Variants in PCDHA10 observed in about 807,000 individuals in gnomAD.
PCDHA10 encodes the protein protocadherin alpha 10, also known as protocadherin alpha-10.
Under a neutral mutation model 61.2 loss-of-function variants are expected in PCDHA10, and 45 were observed. The ratio of observed to expected loss-of-function variants is 0.74; its 90% CI spans 0.58 to 0.94. PCDHA10 has a LOEUF of 0.94. PCDHA10 is among the 40% of genes least tolerant of loss of function. PCDHA10 has a pLI of 0.00. For missense variants in PCDHA10, 1,278 were observed against 1,236.2 expected, an observed-to-expected ratio of 1.03 and a Z score of -0.51; for synonymous variants, 602 against 548.8, an observed-to-expected ratio of 1.10 and a Z score of -1.35.
intron 1 of PCDHA10, chr5:140,884,351 G>A: frequency 6.2e-7 from 1 of 1,613,946 alleles, no homozygotes; most frequent in Non-Finnish European, 8.5e-7. Context: ...GGCGCTGGTG[G>A]ATGTCAATGT....
chr5:140,928,716 C>G (rs555492959), intron 1 of PCDHA10: 3 of 1,614,178 alleles, frequency 1.9e-6, no homozygotes, highest in Non-Finnish European at 2.5e-6. Flanking sequence ...ACTCTAGTCT[C>G]TTTAGAATTT....
At chr5:140,984,634 C>G (rs540344154) in intron 3 of PCDHA10, among the ~76,000 whole-genome samples, 4 of 152,298 alleles carry the variant, frequency 2.6e-5, no homozygotes, top group African/African-American at 9.6e-5. Context: ...AAGGGATTCT[C>G]TGCCTTCTCC....
At chr5:140,868,818 T>TG (rs1170928689) in intron 1 of PCDHA10, 2 of 385,940 alleles carry the variant, frequency 5.2e-6, no homozygotes, top group Non-Finnish European at 9.1e-6. Flanking sequence ...TGGAAATATT[T>TG]GGGGGAAGAA....
intron 1 of PCDHA10, among the ~76,000 whole-genome samples, chr5:140,948,364 G>C (rs1554218529): frequency 6.6e-6 from 1 of 151,472 alleles, no homozygotes; most frequent in African/African-American, 2.4e-5. Flanking sequence ...AAATGACTTA[G>C]GAGGTGTTCC....
At chr5:140,911,564 C>A (rs1036102678) in intron 1 of PCDHA10, among the ~76,000 whole-genome samples, 2 of 152,226 alleles carry the variant, frequency 1.3e-5, no homozygotes, top group African/African-American at 4.8e-5. Flanking sequence ...TCTTTCATCA[C>A]TTTGTCCAGT....
At position 141,010,329 on chromosome 5, in the gene PCDHA10, GTTTGTGGCCACTGGGTA is replaced by G. The variant is rs1554262887; in HGVS notation, c.*394_*410del. The G allele has an allele frequency of 1.9e-6, 3 of 1,538,554 alleles. No individual in the cohort carries two copies. The East Asian group carries it at 7.3e-5, about 38-fold the overall frequency. ...AGTTTTGAGATTGAGCAGCTTGGGA[GTTTGTGGCCACTGGGTA>G]TGTGTGGCTACCGCGGGTATGCGAG... On this transcript the variant is annotated 3_prime_UTR_variant, in exon 4 of 4. Coordinates refer to ENST00000307360, the MANE Select transcript of PCDHA10 (RefSeq NM_018901.4).
intron 1 of PCDHA10, among the ~76,000 whole-genome samples, chr5:140,890,392 T>C (rs2062624449): frequency 6.6e-6 from 1 of 152,212 alleles, no homozygotes; most frequent in Admixed American, 6.5e-5. Flanking sequence ...TTAGATAATC[T>C]ATAAATTTTA....
chr5:140,985,739 C>CTTTT (rs11372071), intron 3 of PCDHA10, among the ~76,000 whole-genome samples: 9 of 117,918 alleles, frequency 7.6e-5, no homozygotes, highest in East Asian at 2.5e-4. Flanking sequence ...TGATGAATTC[C>CTTTT]TTTTTTTTTT....
chr5:140,986,792 A>C (rs575794573), intron 3 of PCDHA10, among the ~76,000 whole-genome samples: 1 of 152,220 alleles, frequency 6.6e-6, no homozygotes, highest in Non-Finnish European at 1.5e-5. Context: ...CCACTAAGGC[A>C]GTGAGTCTTA....
chr5:140,971,787 A>G (rs1554233619), intron 1 of PCDHA10, among the ~76,000 whole-genome samples: 5 of 152,124 alleles, frequency 3.3e-5, no homozygotes, highest in Admixed American at 1.3e-4. Context: ...AGATTATTCA[A>G]TATATTGAAT....
At position 140,856,358 on chromosome 5, in the gene PCDHA10, C is replaced by T; in HGVS notation, c.310C>T (p.His104Tyr). 6.3e-7 allele frequency: 1 copy of T among 1,598,606 alleles called. No homozygotes were observed. Among genetic ancestry groups the T allele is most frequent in the African/African-American group, 1.3e-5 (1 of 74,390 alleles). The change falls in exon 1 of 4, where the codon CAC becomes TAC. Residue 104 changes from histidine to tyrosine, a missense_variant. By Grantham distance (83) the His-to-Tyr change is moderately conservative. Coordinates refer to ENST00000307360, the MANE Select transcript of PCDHA10 (RefSeq NM_018901.4). ...LCGRSVECSI[H>Y]LEVIVDRPLQ... is the part of the protein sequence containing the mutation. ...CGGGCGGAGCGTGGAGTGCAGCATC[C>T]ACCTGGAGGTGATCGTGGACAGGCC...
In PCDHA10 at chr5:140,857,073, A is replaced by G. The variant is rs782238591; in HGVS notation, c.1025A>G (p.Glu342Gly). The change falls in exon 1 of 4, where the codon GAA (glutamate) becomes GGA (glycine). Residue 342 changes from glutamate to glycine, a missense_variant. Coordinates refer to ENST00000307360, the MANE Select transcript of PCDHA10 (RefSeq NM_018901.4). ...ACGGTCCTAGTGGAACTACTGGATG[A>G]AAATGATAATTCACCTGAGGTGATT... ...HCTVLVELLD[E>G]NDNSPEVIVT... The G allele has an allele frequency of 6.3e-7, 1 of 1,596,904 alleles. No individual in the cohort carries two copies. The highest frequency in any genetic ancestry group is 2.2e-5 in the East Asian group (1 of 44,858).
intron 3 of PCDHA10, among the ~76,000 whole-genome samples, chr5:140,985,803 G>T (rs536777034): frequency 2.9e-5 from 4 of 139,766 alleles, no homozygotes; most frequent in Non-Finnish European, 6.0e-5. Context: ...GCAGTGGCAC[G>T]ATCTCAGCTC....
intron 1 of PCDHA10, among the ~76,000 whole-genome samples, chr5:140,948,853 C>T (rs1385628610): frequency 6.6e-6 from 1 of 151,298 alleles, no homozygotes; most frequent in Non-Finnish European, 1.5e-5. Context: ...TATTTGCCTT[C>T]TTATATTACT....
chr5:140,980,317 A>G (rs1435571559), intron 2 of PCDHA10, among the ~76,000 whole-genome samples: 1 of 152,194 alleles, frequency 6.6e-6, no homozygotes, highest in Non-Finnish European at 1.5e-5. Context: ...TAAAAACTAC[A>G]TTTGAAATAA....
intron 3 of PCDHA10, among the ~76,000 whole-genome samples, chr5:140,991,449 A>G (rs1405447405): frequency 6.6e-6 from 1 of 152,206 alleles, no homozygotes; most frequent in East Asian, 1.9e-4. Flanking sequence ...GCTTAAAACA[A>G]CACAATGTAT....
In PCDHA10 at chr5:140,985,515, T is replaced by G. The variant is rs529024123; in HGVS notation, c.2536+2952T>G. The stretch of plus-strand genomic sequence containing the variant: ...AGAGCCTGCCTTTCATTGATTCTGT[T>G]GCCCTTAAAGCTTCACGGTGAAGAT... On this transcript the variant is annotated intron_variant, in intron 3 of 3. Transcript: ENST00000307360. Among the ~76,000 whole-genome samples, 8 of 152,284 alleles carry G rather than the reference T, an allele frequency of 5.3e-5. No individual in the cohort carries two copies. In the South Asian group the frequency reaches 1.7e-3, roughly 32 times the overall value.
At chr5:140,926,737 C>T (rs2083513630) in intron 1 of PCDHA10, 3 of 1,153,842 alleles carry the variant, frequency 2.6e-6, no homozygotes, top group Non-Finnish European at 3.4e-6. Flanking sequence ...GTTCGGGAGG[C>T]GCAACGTCGG....
At chr5:140,998,720 A>G (rs1554256437) in intron 3 of PCDHA10, among the ~76,000 whole-genome samples, 1 of 152,092 alleles carries the variant, frequency 6.6e-6, no homozygotes, top group African/African-American at 2.4e-5. Context: ...TTGCACCACC[A>G]CGCTAGGCTA....
Sources: allele counts gnomAD v4.1 joint callset (sites outside exome capture counted in the v4.1 genomes callset), GRCh38; gene constraint gnomAD v4.1.1; transcripts MANE v1.5; gene names NCBI Gene and HGNC (gene_info 2026-07-23, HGNC 2026-07-21).